Variants in APAF1 observed in about 807,000 individuals in gnomAD.
APAF1 encodes the protein apoptotic protease-activating factor 1.
APAF1 carries 91 observed loss-of-function variants against 152.4 expected under a neutral mutation model. That is an observed-to-expected ratio of 0.60 (90% CI 0.50 to 0.71). APAF1 has a LOEUF of 0.71. Among genes scored for constraint, APAF1 ranks in the 30% least tolerant of loss-of-function variants. APAF1 has a pLI of 0.00. For synonymous variants in APAF1, 484 were observed against 494.1 expected (o/e 0.98, Z 0.27); for missense variants, 1,283 against 1,472.0 (o/e 0.87, Z 2.10).
At chr12:98,702,070 A>G (rs1208846605) in intron 17 of APAF1, among the ~76,000 whole-genome samples, 2 of 145,390 alleles carry the variant, frequency 1.4e-5, no homozygotes, top group Non-Finnish European at 3.0e-5. Context: ...TTCACTAAAC[A>G]TTTTTTTTTT....
At chr12:98,723,897 ATGCCCATTGGCAT>A in intron 24 of APAF1, 133 bp downstream of exon 24, 1 of 965,072 alleles carries the variant, frequency 1.0e-6, no homozygotes, top group Middle Eastern at 3.1e-4. Context: ...CTTTTGGAGG[ATGCCCATTGGCAT>A]TTAGTTGGTA....
chr12:98,696,900 A>G (rs1384001651), intron 16 of APAF1, among the ~76,000 whole-genome samples: 1 of 152,210 alleles, frequency 6.6e-6, no homozygotes, highest in African/African-American at 2.4e-5. Context: ...AGAAAAAAGT[A>G]TACTTCCTGG....
intron 8 of APAF1, 28 bp downstream of exon 8, chr12:98,665,819 GGGT>G: frequency 1.3e-6 from 2 of 1,524,456 alleles, no homozygotes; most frequent in Non-Finnish European, 1.8e-6. Context: ...CCTCATCATT[GGGT>G]ATTTATTGCA....
chr12:98,723,419 T>G (rs2097745876), intron 23 of APAF1, 107 bp downstream of exon 23: 1 of 1,322,492 alleles, frequency 7.6e-7, no homozygotes. Flanking sequence ...CTTAAAAATT[T>G]TTAATTTTTC....
At position 98,733,136 on chromosome 12, in the gene APAF1, C is replaced by CTT; in HGVS notation, c.*579_*580dup. On this transcript the variant is annotated 3_prime_UTR_variant, in exon 27 of 27. Transcript: ENST00000551964. Reference sequence around the variant, plus strand: ...TCTTGGATTTAGCAGGCCCCCCCACCTTTTTTTTTTGTTTTTGGAGACAGA... The same window carrying CTT: ...TCTTGGATTTAGCAGGCCCCCCCACCTTTTTTTTTTTTGTTTTTGGAGACAGA... The CTT allele has an allele frequency of 1.3e-5, 2 of 148,936 alleles. No homozygotes were observed. The highest frequency in any genetic ancestry group is 3.0e-5 in the Non-Finnish European group (2 of 67,302). The allele number at this position is 148,936 out of a possible 1,614,324, so 9.2% of individuals were successfully genotyped here. A position where few individuals can be genotyped will look rare whatever the true frequency, so the allele number is the denominator to read the frequency against.
At chr12:98,724,432 G>A (rs2097747494) in intron 24 of APAF1, among the ~76,000 whole-genome samples, 1 of 152,000 alleles carries the variant, frequency 6.6e-6, no homozygotes, top group Non-Finnish European at 1.5e-5. Context: ...ATTACCTAAC[G>A]GTTTATAGGC....
chr12:98,661,552 C>G (rs1487389460), intron 5 of APAF1, among the ~76,000 whole-genome samples: 1 of 151,996 alleles, frequency 6.6e-6, no homozygotes, highest in African/African-American at 2.4e-5. Flanking sequence ...TATCGGTTCA[C>G]TGCAACCTCT....
At chr12:98,718,762 C>T (rs2097737938) in intron 22 of APAF1, among the ~76,000 whole-genome samples, 1 of 151,958 alleles carries the variant, frequency 6.6e-6, no homozygotes, top group Non-Finnish European at 1.5e-5. Context: ...TAGCGAGACC[C>T]CATCTCTGCA....
intron 21 of APAF1, chr12:98,712,756 G>A: frequency 3.5e-6 from 1 of 286,398 alleles, no homozygotes; most frequent in Non-Finnish European, 6.6e-6. Context: ...TTAAGCGATT[G>A]TCCGGCCTCA....
intron 22 of APAF1, among the ~76,000 whole-genome samples, chr12:98,722,415 T>C (rs2153343403): frequency 6.6e-6 from 1 of 152,348 alleles, no homozygotes; most frequent in South Asian, 2.1e-4. Flanking sequence ...TGCATATAGG[T>C]ACTAAATAGA....
intron 23 of APAF1, 66 bp downstream of exon 23, chr12:98,723,378 AG>A: frequency 6.5e-7 from 1 of 1,540,846 alleles, no homozygotes; most frequent in East Asian, 2.3e-5. Flanking sequence ...ATATTGAGAC[AG>A]TCAAAAGCCA....
intron 3 of APAF1, 32 bp from the exon 4 acceptor site, chr12:98,649,455 T>G: frequency 6.2e-7 from 1 of 1,604,930 alleles, no homozygotes; most frequent in Non-Finnish European, 8.5e-7. Flanking sequence ...CAAAGTTCTA[T>G]TCATTCATGC....
At chr12:98,708,236 C>T (rs948151635) in intron 19 of APAF1, among the ~76,000 whole-genome samples, 4 of 152,170 alleles carry the variant, frequency 2.6e-5, no homozygotes, top group East Asian at 1.9e-4. Context: ...TGAGCCCCTG[C>T]GCCTGGCCCA....
At chr12:98,677,338 A>G (rs2097687681) in intron 12 of APAF1, 87 bp from the exon 13 acceptor site, 3 of 1,396,212 alleles carry the variant, frequency 2.1e-6, no homozygotes, top group Non-Finnish European at 3.0e-6. Context: ...TAACCATGTT[A>G]AAAGACAGTT....
chr12:98,728,139 T>C (rs1264198564), intron 26 of APAF1, among the ~76,000 whole-genome samples: 1 of 152,158 alleles, frequency 6.6e-6, no homozygotes, highest in Non-Finnish European at 1.5e-5. Flanking sequence ...AGAGCTGTCA[T>C]ACTGCCTCAT....
At chr12:98,673,150 G>A (rs2097682367) in intron 12 of APAF1, among the ~76,000 whole-genome samples, 1 of 152,098 alleles carries the variant, frequency 6.6e-6, no homozygotes, top group Non-Finnish European at 1.5e-5. Context: ...ATTTGGACTT[G>A]GCTAAGTTCA....
chr12:98,693,070 A>C (rs11109573), intron 16 of APAF1, among the ~76,000 whole-genome samples: 2,301 of 152,030 alleles, frequency 0.015, 25 homozygotes, highest in Non-Finnish European at 0.026. Context: ...TTGACTAAAA[A>C]AAAAAAACAA....
chr12:98,721,564 C>G (rs532229593), intron 22 of APAF1, among the ~76,000 whole-genome samples: 2 of 152,284 alleles, frequency 1.3e-5, no homozygotes, highest in Admixed American at 6.5e-5. Context: ...AGAAATGCCT[C>G]CATTTCTTCC....
intron 4 of APAF1, among the ~76,000 whole-genome samples, chr12:98,655,705 C>G (rs527298858): frequency 5.3e-5 from 8 of 152,108 alleles, no homozygotes; most frequent in Admixed American, 3.3e-4. Flanking sequence ...CCTCAACTTT[C>G]CAGGCTCAGG....
Sources: gnomAD v4.1 joint callset for allele counts (sites outside exome capture counted in the v4.1 genomes callset) on GRCh38, gnomAD v4.1.1 for gene constraint, MANE v1.5 for transcripts, NCBI Gene and HGNC (gene_info 2026-07-23, HGNC 2026-07-21) for gene names.